CALCRL: variants seen among roughly 807,000 people sequenced by gnomAD.
CALCRL encodes calcitonin receptor like receptor, also known as calcitonin gene-related peptide type 1 receptor.
A neutral mutation model predicts 60.4 loss-of-function variants in CALCRL; 27 were observed. The observed-to-expected ratio is 0.45, with a 90% CI of 0.33 to 0.62. The LOEUF is 0.62. CALCRL is among the 20% of genes least tolerant of loss of function. The probability of loss-of-function intolerance (pLI) is 0.03; values close to 1 mark genes in which losing one functional copy is unlikely to be tolerated. For missense variants in CALCRL, 424 were observed against 540.7 expected (o/e 0.78, Z 2.14); for synonymous variants, 190 against 182.6 (o/e 1.04, Z -0.33).
At chr2:187,433,417 A>G (rs1690489600) in intron 1 of CALCRL, among the ~76,000 whole-genome samples, 1 of 152,112 alleles carries the variant, frequency 6.6e-6, no homozygotes, top group Non-Finnish European at 1.5e-5. Context: ...ATATATTAAT[A>G]AAATTACAAT....
intron 1 of CALCRL, among the ~76,000 whole-genome samples, chr2:187,395,766 T>G (rs1303572014): frequency 6.6e-6 from 1 of 151,942 alleles, no homozygotes; most frequent in Non-Finnish European, 1.5e-5. Flanking sequence ...CGAGGGATGA[T>G]TTTATCAACA....
At chr2:187,352,892 T>C (rs1686598124) in intron 12 of CALCRL, among the ~76,000 whole-genome samples, 1 of 151,940 alleles carries the variant, frequency 6.6e-6, no homozygotes, top group African/African-American at 2.4e-5. Context: ...ATGAGGGAAC[T>C]TTGAACCAGC....
chr2:187,400,528 A>G (rs1213951029), intron 1 of CALCRL, among the ~76,000 whole-genome samples: 1 of 151,418 alleles, frequency 6.6e-6, no homozygotes, highest in Non-Finnish European at 1.5e-5. Flanking sequence ...TTCCACTTTT[A>G]GTTATAAACT....
chr2:187,421,294 C>G (rs992918366), intron 1 of CALCRL, among the ~76,000 whole-genome samples: 2 of 152,064 alleles, frequency 1.3e-5, no homozygotes, highest in Admixed American at 6.6e-5. Flanking sequence ...CATAATTACT[C>G]TTGTGATTGA....
chr2:187,407,178 T>C (rs1274434177), intron 1 of CALCRL, among the ~76,000 whole-genome samples: 1 of 152,082 alleles, frequency 6.6e-6, no homozygotes, highest in Non-Finnish European at 1.5e-5. Flanking sequence ...TCATTGGGAT[T>C]CCCCAAGGTA....
chr2:187,387,623 T>C, intron 2 of CALCRL, 43 bp downstream of exon 2: 1 of 394,098 alleles, frequency 2.5e-6, no homozygotes, highest in Non-Finnish European at 4.5e-6. Context: ...TTTTAGTTTT[T>C]ATTAAATTTT....
At chr2:187,417,253 A>G (rs940900581) in intron 1 of CALCRL, among the ~76,000 whole-genome samples, 3 of 152,038 alleles carry the variant, frequency 2.0e-5, no homozygotes, top group East Asian at 3.8e-4. Context: ...AACTACAACT[A>G]TGACAAAAAA....
chr2:187,356,453 A>G (rs777798138), intron 12 of CALCRL, among the ~76,000 whole-genome samples: 8 of 152,346 alleles, frequency 5.3e-5, no homozygotes, highest in Non-Finnish European at 1.2e-4. Context: ...GGCTAGCCAT[A>G]TGTAGAAAAC....
chr2:187,374,524 A>G (rs1401649754), intron 8 of CALCRL, among the ~76,000 whole-genome samples: 3 of 152,138 alleles, frequency 2.0e-5, no homozygotes, highest in African/African-American at 7.2e-5. Context: ...TTTACCCATC[A>G]TTGAAGTGTT....
At chr2:187,366,020 G>A (rs1574229880) in intron 8 of CALCRL, among the ~76,000 whole-genome samples, 1 of 151,440 alleles carries the variant, frequency 6.6e-6, no homozygotes, top group Non-Finnish European at 1.5e-5. Context: ...GAGGCGGGTG[G>A]ATCATGAGGT....
intron 1 of CALCRL, among the ~76,000 whole-genome samples, chr2:187,401,824 A>C (rs563906394): frequency 6.6e-6 from 1 of 151,742 alleles, no homozygotes; most frequent in East Asian, 1.9e-4. Context: ...AAAATGTTGA[A>C]CTTTGGTTTA....
rs566095226 is a variant in CALCRL, at chr2:187,407,939, C to G, written c.-292-20183G>C. Among the ~76,000 whole-genome samples the G allele has an allele frequency of 2.2e-4, 34 of 152,136 alleles. No homozygotes were observed. The East Asian group carries it at 6.2e-3, about 28-fold the overall frequency. ...TTAAGCTTTGCTAATGTTCCCACCT[C>G]TATATGTTAACTTTGTTTCTGACAC... On this transcript the variant is annotated intron_variant, in intron 1 of 14. Coordinates refer to ENST00000392370, the MANE Select transcript of CALCRL (RefSeq NM_005795.6).
intron 4 of CALCRL, among the ~76,000 whole-genome samples, chr2:187,383,867 A>G (rs3771083): frequency 0.087 from 13,244 of 152,216 alleles, 694 homozygotes; most frequent in South Asian, 0.17. Context: ...TCTTGTATGC[A>G]CATCAATAAT....
At chr2:187,353,843 A>G (rs897834579) in intron 12 of CALCRL, among the ~76,000 whole-genome samples, 1 of 152,032 alleles carries the variant, frequency 6.6e-6, no homozygotes, top group African/African-American at 2.4e-5. Context: ...GACAGTAGAA[A>G]CATTGCAATT....
rs1445852864 is a variant in CALCRL at position 187,359,206 on chromosome 2, TCTTA to T, written c.842+2_842+5del. ...CAGTAGAAATAATAAAAAGAGATTTTCTTACTTGTCATTGTAATATAAGCTTCTA... is the reference window on the plus strand; with the variant it reads ...CAGTAGAAATAATAAAAAGAGATTTTCTTGTCATTGTAATATAAGCTTCTA... On this transcript the variant is annotated splice_donor_variant and splice_donor_5th_base_variant and intron_variant, in intron 11 of 14. Transcript: ENST00000392370. LOFTEE classifies it high-confidence loss of function. 3 of 1,594,324 alleles carry T rather than the reference TCTTA, an allele frequency of 1.9e-6. No individual in the cohort carries two copies. Among genetic ancestry groups the T allele is most frequent in the Non-Finnish European group, 1.7e-6 (2 of 1,168,012 alleles).
chr2:187,365,863 GA>G (rs1453971777), intron 8 of CALCRL, among the ~76,000 whole-genome samples: 3 of 152,026 alleles, frequency 2.0e-5, no homozygotes, highest in African/African-American at 7.2e-5. Context: ...TTGCATAGAA[GA>G]AAAAAAGTAG....
chr2:187,350,558 A>C (rs539439358), intron 14 of CALCRL, among the ~76,000 whole-genome samples: 29 of 151,270 alleles, frequency 1.9e-4, no homozygotes, highest in African/African-American at 7.0e-4. Flanking sequence ...CCTCATTACA[A>C]ATAAATAAAT....
intron 1 of CALCRL, chr2:187,428,536 A>G (rs1447801617): frequency 6.6e-6 from 1 of 152,250 alleles, no homozygotes; most frequent in East Asian, 1.9e-4. Context: ...ACAGTGTGCT[A>G]TAAAATTTTA....
chr2:187,392,215 T>G (rs1189004923), intron 1 of CALCRL, among the ~76,000 whole-genome samples: 13 of 152,168 alleles, frequency 8.5e-5, no homozygotes, highest in Admixed American at 8.5e-4. Context: ...GTATGTTCAC[T>G]CCAACATTAA....
Sources: allele counts gnomAD v4.1 joint callset (sites outside exome capture counted in the v4.1 genomes callset), GRCh38; gene constraint gnomAD v4.1.1; transcripts MANE v1.5; gene names NCBI Gene and HGNC (gene_info 2026-07-23, HGNC 2026-07-21).